KMT2C: variants seen among roughly 807,000 people sequenced by gnomAD.
The protein encoded by KMT2C is histone-lysine N-methyltransferase 2C.
KMT2C carries 88 observed loss-of-function variants against 507.9 expected under a neutral mutation model. The ratio of observed to expected loss-of-function variants is 0.17; its 90% CI spans 0.15 to 0.21. The LOEUF (loss-of-function observed/expected upper bound fraction) is 0.21. Among genes scored for constraint, KMT2C ranks in the 10% least tolerant of loss-of-function variants. The pLI is 1.00. For synonymous variants in KMT2C, 2,049 were observed against 2,080.8 expected, an observed-to-expected ratio of 0.98 and a Z score of 0.42; for missense variants, 4,954 against 5,957.8, an observed-to-expected ratio of 0.83 and a Z score of 5.55.
chr7:152,410,662 G>C (rs2097673100), intron 1 of KMT2C, among the ~76,000 whole-genome samples: 1 of 148,100 alleles, frequency 6.8e-6, no homozygotes, highest in Non-Finnish European at 1.5e-5. Context: ...TTATATATGA[G>C]ATTATGTATA....
intron 42 of KMT2C, among the ~76,000 whole-genome samples, chr7:152,164,159 A>C (rs1278636308): frequency 6.6e-6 from 1 of 152,218 alleles, no homozygotes; most frequent in Non-Finnish European, 1.5e-5. Context: ...TATACAATAA[A>C]AAAGGTTACA....
chr7:152,360,414 G>A (rs969645888), intron 1 of KMT2C, among the ~76,000 whole-genome samples: 2 of 151,398 alleles, frequency 1.3e-5, no homozygotes, highest in African/African-American at 4.9e-5. Flanking sequence ...GTGGGCAGGA[G>A]GTGCAGTGAG....
At chr7:152,145,363 T>G in intron 53 of KMT2C, 68 bp from the exon 54 acceptor site, 6 of 1,503,366 alleles carry the variant, frequency 4.0e-6, no homozygotes, top group Non-Finnish European at 5.4e-6. Flanking sequence ...CTCAAGCTGG[T>G]CAAAGGATGG....
At chr7:152,312,922 C>A (rs950972409) in intron 4 of KMT2C, among the ~76,000 whole-genome samples, 1 of 151,892 alleles carries the variant, frequency 6.6e-6, no homozygotes, top group African/African-American at 2.4e-5. Flanking sequence ...TATCATGATT[C>A]CTATTAAGAG....
chr7:152,222,765 T>C (rs2094815068), intron 20 of KMT2C, 83 bp from the exon 21 acceptor site: 1 of 760,050 alleles, frequency 1.3e-6, no homozygotes, highest in Admixed American at 2.2e-5. Flanking sequence ...TAACACTGAG[T>C]CTTCAAACTT....
intron 1 of KMT2C, among the ~76,000 whole-genome samples, chr7:152,430,895 C>A (rs966237737): frequency 6.6e-6 from 1 of 152,130 alleles, no homozygotes; most frequent in African/African-American, 2.4e-5. Context: ...TGAAGTTTCA[C>A]GAAGCCCCTC....
intron 42 of KMT2C, among the ~76,000 whole-genome samples, chr7:152,165,832 G>A (rs1470222747): frequency 1.3e-5 from 2 of 152,100 alleles, no homozygotes; most frequent in Non-Finnish European, 2.9e-5. Context: ...GGGATTACAG[G>A]CACCTGCCAC....
At chr7:152,243,077 A>C (rs2095413747) in intron 14 of KMT2C, among the ~76,000 whole-genome samples, 1 of 152,216 alleles carries the variant, frequency 6.6e-6, no homozygotes, top group Non-Finnish European at 1.5e-5. Context: ...CAAACACTTC[A>C]CTATTTAGGG....
chr7:152,252,641 A>T lies in KMT2C; in HGVS notation c.1374T>A (p.Asn458Lys). 6.2e-7 allele frequency: 1 copy of T among 1,613,500 alleles called. No individual in the cohort carries two copies. Among genetic ancestry groups the T allele is most frequent in the Non-Finnish European group, 8.5e-7 (1 of 1,179,530 alleles). The change falls in exon 10 of 59, where the codon AAT becomes AAA. Residue 458 changes from asparagine (N) to lysine (K), a missense_variant. Asn to Lys is a moderately conservative substitution (Grantham distance 94). Coordinates refer to ENST00000262189, the MANE Select transcript of KMT2C (RefSeq NM_170606.3). ...ATAAGTTATCCTGCTGTTGGTAACAATTGTCACATATCAGGCAATTGTGGT... is the reference window on the plus strand; with the variant it reads ...ATAAGTTATCCTGCTGTTGGTAACATTTGTCACATATCAGGCAATTGTGGT... Reference protein sequence around the residue: ...QWHHNCLICDNCYQQQDNLCP... With the variant: ...QWHHNCLICDKCYQQQDNLCP...
intron 40 of KMT2C, among the ~76,000 whole-genome samples, 189 bp downstream of exon 40, chr7:152,171,075 G>A (rs372263797): frequency 6.6e-6 from 1 of 152,160 alleles, no homozygotes; most frequent in Non-Finnish European, 1.5e-5. Context: ...TGATAGATAA[G>A]GCTACTATTT....
Position 152,435,999 on chromosome 7 carries a change from G to C in KMT2C, c.-213C>G, listed in dbSNP as rs1300136868. 4.8e-6 allele frequency: 1 copy of C among 206,812 alleles called. No individual in the cohort carries two copies. Among genetic ancestry groups the C allele is most frequent in the African/African-American group, 2.5e-5 (1 of 39,798 alleles). The allele number at this position is 206,812 out of a possible 1,614,324, so 12.8% of individuals were successfully genotyped here. The stretch of plus-strand genomic sequence containing the variant: ...CTCACACACATCGGCGCGGGCGCGC[G>C]CACCTCCGCGCGCAGGGGCCGGGCG... On this transcript the variant is annotated 5_prime_UTR_variant, in exon 1 of 59. Transcript: ENST00000262189.
At chr7:152,313,807 C>T (rs1434014949) in intron 4 of KMT2C, among the ~76,000 whole-genome samples, 1 of 151,924 alleles carries the variant, frequency 6.6e-6, no homozygotes, top group African/African-American at 2.4e-5. Context: ...TAAAGACTTT[C>T]GTTTAACAAA....
At chr7:152,225,102 T>A (rs1277728937) in intron 18 of KMT2C, among the ~76,000 whole-genome samples, 2 of 152,202 alleles carry the variant, frequency 1.3e-5, no homozygotes, top group African/African-American at 4.8e-5. Flanking sequence ...AGCTAGGAAT[T>A]CTGAAGTTCA....
intron 23 of KMT2C, among the ~76,000 whole-genome samples, chr7:152,216,602 ATATGC>A (rs2094589341): frequency 6.6e-6 from 1 of 152,252 alleles, no homozygotes; most frequent in East Asian, 1.9e-4. Flanking sequence ...AAACTGTCAG[ATATGC>A]TATAATACAG....
At chr7:152,307,822 A>G (rs1438944672) in intron 6 of KMT2C, among the ~76,000 whole-genome samples, 1 of 152,204 alleles carries the variant, frequency 6.6e-6, no homozygotes, top group Non-Finnish European at 1.5e-5. Flanking sequence ...ACTCATGCAA[A>G]TACATACACC....
chr7:152,356,126 G>T (rs527984717), intron 2 of KMT2C, among the ~76,000 whole-genome samples: 60 of 152,214 alleles, frequency 3.9e-4, no homozygotes, highest in Non-Finnish European at 7.4e-4. Context: ...CAAGAAAATA[G>T]ATTTGATGGT....
chr7:152,181,475 C>A lies in KMT2C; in HGVS notation c.6385G>T (p.Asp2129Tyr), dbSNP rs769422754. 2 of 1,613,834 alleles carry A rather than the reference C, an allele frequency of 1.2e-6. No homozygotes were observed. The highest frequency in any genetic ancestry group is 2.7e-5 in the African/African-American group (2 of 74,924). ...PGTISRPTSQ[D>Y]PYSQPPGTPR... is the part of the protein sequence containing the mutation. ...GTTCCTGGGGGTTGGGAGTATGGGT[C>A]CTGAGATGTTGGCCTTGATATGGTT... The change falls in exon 36 of 59, where the codon GAC becomes TAC. Residue 2129 changes from aspartate to tyrosine, a missense_variant. Around this residue, in one of 29 missense-constraint regions of KMT2C, gnomAD observed 1,689 missense variants for 1,654.3 expected, o/e 1.02. Transcript: ENST00000262189.
chr7:152,163,445 C>G lies in KMT2C; in HGVS notation c.10132G>C (p.Gly3378Arg). The G allele has an allele frequency of 6.2e-7, 1 of 1,614,156 alleles. No individual in the cohort carries two copies. Among genetic ancestry groups the G allele is most frequent in the Non-Finnish European group, 8.5e-7 (1 of 1,180,038 alleles). Residue 3378 changes from glycine to arginine, a missense_variant, in exon 43 of 59, where the codon GGA becomes CGA. Gly to Arg is a moderately radical substitution (Grantham distance 125). This residue lies in a region of KMT2C where 801 missense variants were observed against 751.2 expected (regional missense o/e 1.07). Coordinates refer to ENST00000262189, the MANE Select transcript of KMT2C (RefSeq NM_170606.3). ...GTVSNANPQS[G>R]PPPRVEFDDN... is the part of the protein sequence containing the mutation. ...TCAAATTCTACCCGAGGTGGTGGTC[C>G]ACTCTGTGGATTTGCATTTGAGACT...
chr7:152,211,843 T>TA (rs200041129), intron 23 of KMT2C, among the ~76,000 whole-genome samples: 4,408 of 152,118 alleles, frequency 0.029, 215 homozygotes, highest in African/African-American at 0.1. Flanking sequence ...GGTCAGGAGA[T>TA]AGACACCATC....
Sources: gnomAD v4.1 joint callset for allele counts (sites outside exome capture counted in the v4.1 genomes callset) on GRCh38, gnomAD v4.1.1 for gene constraint, gnomAD v4.1.1 regional missense constraint, MANE v1.5 for transcripts, NCBI Gene and HGNC (gene_info 2026-07-23, HGNC 2026-07-21) for gene names.